LINGO1: variants seen among roughly 807,000 people sequenced by gnomAD.
LINGO1 encodes the protein leucine rich repeat and Ig domain containing 1.
Under a neutral mutation model 37.3 loss-of-function variants are expected in LINGO1, and 11 were observed. The observed-to-expected ratio is 0.29, with a 90% CI of 0.19 to 0.49. LINGO1 has a LOEUF of 0.49. LINGO1 is among the 20% of genes least tolerant of loss of function. The probability of loss-of-function intolerance (pLI) is 0.99; values close to 1 mark genes in which losing one functional copy is unlikely to be tolerated. For missense variants in LINGO1, 585 were observed against 878.2 expected, an observed-to-expected ratio of 0.67 and a Z score of 4.22; for synonymous variants, 387 against 403.0, an observed-to-expected ratio of 0.96 and a Z score of 0.48.
At chr15:77,772,526 T>A (rs2076596005) in intron 1 of LINGO1, among the ~76,000 whole-genome samples, 1 of 152,096 alleles carries the variant, frequency 6.6e-6, no homozygotes, top group Admixed American at 6.5e-5. Context: ...CCTGCCAACC[T>A]GACACCTTGG....
intron 3 of LINGO1, among the ~76,000 whole-genome samples, chr15:77,649,448 T>C (rs2074709675): frequency 6.6e-6 from 1 of 152,190 alleles, no homozygotes; most frequent in African/African-American, 2.4e-5. Flanking sequence ...GAGTCTGTAA[T>C]ATGGGATCAA....
At chr15:77,623,893 TG>T (rs2074004429) in intron 1 of LINGO1, among the ~76,000 whole-genome samples, 3 of 144,118 alleles carry the variant, frequency 2.1e-5, no homozygotes, top group Non-Finnish European at 4.5e-5. Flanking sequence ...GTGAGTGATG[TG>T]TGTGTGGTCT....
intron 1 of LINGO1, among the ~76,000 whole-genome samples, chr15:77,796,220 T>G (rs1415936543): frequency 6.6e-6 from 1 of 151,988 alleles, no homozygotes; most frequent in African/African-American, 2.4e-5. Flanking sequence ...TTGCACACAC[T>G]CACACATGTA....
intron 1 of LINGO1, among the ~76,000 whole-genome samples, chr15:77,801,784 C>T (rs543455139): frequency 1.8e-4 from 28 of 152,254 alleles, no homozygotes; most frequent in African/African-American, 6.7e-4. Context: ...CAGCTGGAGA[C>T]TGTGGAACCC....
chr15:77,797,464 T>C (rs563831982), intron 1 of LINGO1, among the ~76,000 whole-genome samples: 1 of 152,162 alleles, frequency 6.6e-6, no homozygotes, highest in South Asian at 2.1e-4. Flanking sequence ...GGATGTGTGC[T>C]TGGGGAGCAT....
intron 1 of LINGO1, chr15:77,820,041 G>C (rs1450471388): frequency 6.6e-6 from 1 of 151,922 alleles, no homozygotes; most frequent in African/African-American, 2.4e-5. Context: ...CACATTCTCC[G>C]CATTACAGCG....
At chr15:77,781,469 G>A (rs998942386) in intron 1 of LINGO1, among the ~76,000 whole-genome samples, 12 of 152,212 alleles carry the variant, frequency 7.9e-5, no homozygotes, top group African/African-American at 2.9e-4. Context: ...AATTAAAGTG[G>A]ATTAAAATTA....
intron 2 of LINGO1, among the ~76,000 whole-genome samples, chr15:77,727,316 T>C (rs1270481152): frequency 3.3e-5 from 5 of 152,270 alleles, no homozygotes; most frequent in South Asian, 2.1e-4. Context: ...TTATTCACAA[T>C]AGCCAAGAGA....
intron 3 of LINGO1, among the ~76,000 whole-genome samples, chr15:77,664,171 G>GCGCGCGCGCGCGCA (rs1567503079): frequency 1.1e-5 from 1 of 88,258 alleles, no homozygotes; most frequent in African/African-American, 5.3e-5. Context: ...GTGTGTGTGT[G>GCGCGCGCGCGCGCA]CGCGCGCGCA....
chr15:77,792,057 G>A lies in LINGO1; in HGVS notation c.-343+3882C>T, dbSNP rs547121320. Reference sequence around the variant, plus strand: ...GACTCCCCACACAACTGCCTCTCCAGCCCAGCTCTTCCCGCAGCTGCAGGC... The same window carrying A: ...GACTCCCCACACAACTGCCTCTCCAACCCAGCTCTTCCCGCAGCTGCAGGC... On this transcript the variant is annotated intron_variant, in intron 2 of 5. Coordinates refer to the LINGO1 transcript ENST00000562933. Among the ~76,000 whole-genome samples, 15 of 152,132 alleles carry A rather than the reference G, an allele frequency of 9.9e-5. No individual in the cohort carries two copies. In the South Asian group the frequency reaches 2.9e-3, roughly 30 times the overall value.
At chr15:77,677,964 C>T (rs1475137087) in intron 2 of LINGO1, among the ~76,000 whole-genome samples, 1 of 152,218 alleles carries the variant, frequency 6.6e-6, no homozygotes, top group Non-Finnish European at 1.5e-5. Flanking sequence ...CAGCCCTGAC[C>T]TGTGGGCCAC....
At chr15:77,687,306 A>G (rs1467721742) in intron 2 of LINGO1, among the ~76,000 whole-genome samples, 1 of 152,066 alleles carries the variant, frequency 6.6e-6, no homozygotes, top group African/African-American at 2.4e-5. Flanking sequence ...TCAAAGTTCA[A>G]TCTGTCCAGG....
At chr15:77,808,944 A>G (rs867803616) in intron 1 of LINGO1, among the ~76,000 whole-genome samples, 3 of 152,168 alleles carry the variant, frequency 2.0e-5, no homozygotes, top group South Asian at 2.1e-4. Context: ...CCCACTCCAC[A>G]TGCAGTCACC....
intron 1 of LINGO1, among the ~76,000 whole-genome samples, chr15:77,766,307 A>AAAAAAAAC (rs1321652471): frequency 7.6e-4 from 115 of 150,912 alleles, no homozygotes; most frequent in African/African-American, 2.8e-3. Context: ...CAAAAAAAAA[A>AAAAAAAAC]AAAAAAAAAA....
chr15:77,691,375 C>T (rs2075600135), intron 1 of LINGO1, among the ~76,000 whole-genome samples: 1 of 152,162 alleles, frequency 6.6e-6, no homozygotes, highest in Admixed American at 6.5e-5. Flanking sequence ...AACTCCCAGC[C>T]CTGATCCTCC....
intron 1 of LINGO1, among the ~76,000 whole-genome samples, chr15:77,625,320 C>T (rs564446141): frequency 2.5e-4 from 38 of 152,288 alleles, no homozygotes; most frequent in African/African-American, 8.7e-4. Context: ...TGTTGCCAGG[C>T]GTTATTTCAA....
At chr15:77,659,898 G>A (rs533389311) in intron 3 of LINGO1, among the ~76,000 whole-genome samples, 78 of 152,358 alleles carry the variant, frequency 5.1e-4, no homozygotes, top group African/African-American at 1.9e-3. Context: ...GCCTCCTCCA[G>A]CAGAGGGCAC....
intron 2 of LINGO1, among the ~76,000 whole-genome samples, chr15:77,685,116 C>A (rs1294193454): frequency 3.5e-5 from 4 of 115,936 alleles, no homozygotes; most frequent in African/African-American, 1.3e-4. Flanking sequence ...GGGTAAGAGT[C>A]ATTGGTTGTG....
intron 1 of LINGO1, among the ~76,000 whole-genome samples, chr15:77,692,700 AG>A (rs2075625088): frequency 6.6e-6 from 1 of 152,124 alleles, no homozygotes; most frequent in Non-Finnish European, 1.5e-5. Context: ...CTCACCTCCG[AG>A]GGCAGCAGGG....
Sources: allele counts gnomAD v4.1 joint callset (sites outside exome capture counted in the v4.1 genomes callset), GRCh38; gene constraint gnomAD v4.1.1; transcripts MANE v1.5; gene names NCBI Gene and HGNC (gene_info 2026-07-23, HGNC 2026-07-21).